Variants in KIRREL3 observed in about 807,000 individuals in gnomAD.
KIRREL3 encodes the protein kirre like nephrin family adhesion molecule 3, also known as kin of IRRE-like protein 3.
A neutral mutation model predicts 89.7 loss-of-function variants in KIRREL3; 36 were observed. The ratio of observed to expected loss-of-function variants is 0.40; its 90% CI spans 0.31 to 0.53. The LOEUF is 0.53. KIRREL3 is among the 20% of genes least tolerant of loss of function. The pLI is 0.49. For synonymous variants in KIRREL3, 445 were observed against 441.4 expected, an observed-to-expected ratio of 1.01 and a Z score of -0.10; for missense variants, 864 against 1,056.6, an observed-to-expected ratio of 0.82 and a Z score of 2.53.
In KIRREL3 at chr11:126,521,294, C is replaced by T. The variant is rs1314736273; in HGVS notation, c.433+21G>A. ...TGGTGCTTCACGCAGTGTCCCAGCC[C>T]CGTGTGCAGATGGTTCTTACCCAGG... On this transcript the variant is annotated intron_variant, in intron 4 of 16. Coordinates refer to ENST00000525144, the MANE Select transcript of KIRREL3 (RefSeq NM_032531.4). This position sits in a 1 kb window ranked among gnomAD's most constrained non-coding sequence, Gnocchi z 4.1. The T allele has an allele frequency of 6.6e-7, 1 of 1,522,820 alleles. No homozygotes were observed. The allele number at this position is 1,522,820 out of a possible 1,614,324, so 94.3% of individuals were successfully genotyped here.
rs1024396827 is a variant in KIRREL3 at position 126,664,470 on chromosome 11, C to T, written c.56-101558G>A. On this transcript the variant is annotated intron_variant, in intron 1 of 16. Coordinates refer to ENST00000525144, the MANE Select transcript of KIRREL3 (RefSeq NM_032531.4). This position sits in a 1 kb window ranked among gnomAD's most constrained non-coding sequence, Gnocchi z 5.4. ...TCCCACCTGCCTACTCTAAATGAAA[C>T]AGCTCTGTCATACTGGGCTAGAGCA... is the stretch of plus-strand genomic sequence containing the variant. Among the ~76,000 whole-genome samples the T allele has an allele frequency of 1.3e-5, 2 of 152,166 alleles. No homozygotes were observed. Among genetic ancestry groups the T allele is most frequent in the African/African-American group, 4.8e-5 (2 of 41,432 alleles).
chr11:126,941,314 T>G (rs1006328493), intron 1 of KIRREL3, among the ~76,000 whole-genome samples: 3 of 152,166 alleles, frequency 2.0e-5, no homozygotes, highest in Non-Finnish European at 4.4e-5. Flanking sequence ...TGCCACCTGA[T>G]CTCTCCAGTC....
chr11:126,447,470 C>A (rs1194152205), intron 8 of KIRREL3, among the ~76,000 whole-genome samples: 1 of 152,222 alleles, frequency 6.6e-6, no homozygotes, highest in Non-Finnish European at 1.5e-5. Flanking sequence ...CGCCTCCTCC[C>A]CCAGGGTTTC....
In KIRREL3 at chr11:126,748,832, T is replaced by G. The variant is rs1016180744; in HGVS notation, c.56-185920A>C. On this transcript the variant is annotated intron_variant, in intron 1 of 16. Transcript: ENST00000525144. This position sits in a 1 kb window ranked among gnomAD's most constrained non-coding sequence, Gnocchi z 4.6. Reference sequence around the variant, plus strand: ...TTCAGTCTATCCAGTGCCTAGCTACTGTGTTGTTGAAACGAGCTTCTTTGA... The same window carrying G: ...TTCAGTCTATCCAGTGCCTAGCTACGGTGTTGTTGAAACGAGCTTCTTTGA... Among the ~76,000 whole-genome samples the G allele has an allele frequency of 1.3e-5, 2 of 152,208 alleles. No individual in the cohort carries two copies. The highest frequency in any genetic ancestry group is 4.8e-5 in the African/African-American group (2 of 41,440).
At chr11:126,866,642 C>T (rs71475984) in intron 1 of KIRREL3, among the ~76,000 whole-genome samples, 1 of 149,776 alleles carries the variant, frequency 6.7e-6, no homozygotes, top group Non-Finnish European at 1.5e-5. Flanking sequence ...CTGCCACCCT[C>T]CTCACTGCCC....
rs146394151 is a variant in KIRREL3, at chr11:126,890,109, T to C, written c.55+110346A>G. 2.0e-3 allele frequency among the ~76,000 whole-genome samples: 309 copies of C among 152,320 alleles called. 1 individual carries two copies. The highest frequency in any genetic ancestry group is 7.0e-3 in the African/African-American group (291 of 41,586). Reference sequence around the variant, plus strand: ...CTTTCATTCTAGGGGGATGGGTCAGTGCAATCTCTGTAGTTAAATTCTTGA... The same window carrying C: ...CTTTCATTCTAGGGGGATGGGTCAGCGCAATCTCTGTAGTTAAATTCTTGA... On this transcript the variant is annotated intron_variant, in intron 1 of 16. Transcript: ENST00000525144. This position sits in a 1 kb window ranked among gnomAD's most constrained non-coding sequence, Gnocchi z 5.1.
chr11:126,583,676 G>A (rs1941674344), intron 1 of KIRREL3, among the ~76,000 whole-genome samples: 1 of 152,178 alleles, frequency 6.6e-6, no homozygotes, highest in Non-Finnish European at 1.5e-5. Context: ...AAAATGCAAA[G>A]AATGATCCCA....
At chr11:126,603,562 T>C (rs1942756222) in intron 1 of KIRREL3, among the ~76,000 whole-genome samples, 2 of 152,274 alleles carry the variant, frequency 1.3e-5, no homozygotes, top group African/African-American at 4.8e-5. Context: ...CTCCTGACCC[T>C]GTCTCTGCAG....
At chr11:126,973,101 A>G (rs984045614) in intron 1 of KIRREL3, among the ~76,000 whole-genome samples, 1 of 7,654 alleles carries the variant, frequency 1.3e-4, no homozygotes, top group Admixed American at 2.0e-3. Flanking sequence ...AGTTTTGAGG[A>G]AAAAAAAAAA....
At position 126,664,045 on chromosome 11, in the gene KIRREL3, T is replaced by C. The variant is rs913689819; in HGVS notation, c.56-101133A>G. 6.6e-6 allele frequency among the ~76,000 whole-genome samples: 1 copy of C among 152,224 alleles called. No homozygotes were observed. Among genetic ancestry groups the C allele is most frequent in the African/African-American group, 2.4e-5 (1 of 41,458 alleles). Reference sequence around the variant, plus strand: ...CCTGTGCCCCTGGCACAAGGGAAATTAACCAGACTCTGCATGTTGTGGGAA... The same window carrying C: ...CCTGTGCCCCTGGCACAAGGGAAATCAACCAGACTCTGCATGTTGTGGGAA... On this transcript the variant is annotated intron_variant, in intron 1 of 16. Coordinates refer to ENST00000525144, the MANE Select transcript of KIRREL3 (RefSeq NM_032531.4). This position sits in a 1 kb window ranked among gnomAD's most constrained non-coding sequence, Gnocchi z 5.4.
rs1247329098 is a variant in KIRREL3 at position 126,609,450 on chromosome 11, G to A, written c.56-46538C>T. ...CCTGCCTCGGGACATGTATGAGGAC[G>A]GTCTCCTTTGCAGCCTACCTGAAGT... On this transcript the variant is annotated intron_variant, in intron 1 of 16. Coordinates refer to ENST00000525144, the MANE Select transcript of KIRREL3 (RefSeq NM_032531.4). The surrounding 1 kb of genome is among the most constrained non-coding windows in gnomAD (Gnocchi z 5.0). Among the ~76,000 whole-genome samples the A allele has an allele frequency of 1.3e-5, 2 of 152,154 alleles. No homozygotes were observed. The highest frequency in any genetic ancestry group is 2.4e-5 in the African/African-American group (1 of 41,424).
chr11:126,446,771 C>T lies in KIRREL3; in HGVS notation c.1113G>A (p.Arg371=), dbSNP rs1955833185. The T allele has an allele frequency of 6.2e-7, 1 of 1,600,934 alleles. No individual in the cohort carries two copies. Among genetic ancestry groups the T allele is most frequent in the African/African-American group, 1.3e-5 (1 of 74,812 alleles). ...GCTGCAGCCTCACCACTCCGGAGCC[C>T]CGCTTCATCCAGACGATGGTCAGGG... ...NPSLTIVWMK[R]GSGVVLSNEK... The change falls in exon 9 of 17, where the codon CGG becomes CGA. Residue 371 remains arginine (R), a synonymous_variant. Coordinates refer to ENST00000525144, the MANE Select transcript of KIRREL3 (RefSeq NM_032531.4).
At chr11:126,726,564 C>T (rs1001726499) in intron 1 of KIRREL3, among the ~76,000 whole-genome samples, 10 of 152,134 alleles carry the variant, frequency 6.6e-5, no homozygotes, top group African/African-American at 1.7e-4. Context: ...GTTGGGGTTT[C>T]GCCATGTTGG....
chr11:126,436,894 C>G lies in KIRREL3; in HGVS notation c.1469G>C (p.Arg490Pro). The G allele has an allele frequency of 6.2e-7, 1 of 1,613,586 alleles. No individual in the cohort carries two copies. Among genetic ancestry groups the G allele is most frequent in the Non-Finnish European group, 8.5e-7 (1 of 1,179,828 alleles). Reference protein sequence around the residue: ...ISTLTISNIVRADFQTIYNCT... With the variant: ...ISTLTISNIVPADFQTIYNCT... ...GTTGTAGATGGTCTGGAAGTCGGCC[C>G]GCACGATGTTGCTGATGGTCAGGGT... Residue 490 changes from arginine (R) to proline (P), a missense_variant, in exon 12 of 17, where the codon CGG becomes CCG. By Grantham distance (103) the Arg-to-Pro change is moderately radical (BLOSUM62 -2). Transcript: ENST00000525144.
intron 1 of KIRREL3, among the ~76,000 whole-genome samples, chr11:126,573,310 C>T (rs1471870205): frequency 2.0e-5 from 3 of 152,212 alleles, no homozygotes; most frequent in Non-Finnish European, 4.4e-5. Context: ...CTTGCTGTCT[C>T]TCCTCCCTCA....
intron 1 of KIRREL3, among the ~76,000 whole-genome samples, chr11:126,961,756 G>A (rs1222704881): frequency 6.6e-6 from 1 of 152,226 alleles, no homozygotes; most frequent in African/African-American, 2.4e-5. Context: ...GCACCATCTA[G>A]GTCTCTCATA....
chr11:126,947,340 C>A (rs1256111782), intron 1 of KIRREL3, among the ~76,000 whole-genome samples: 1 of 152,168 alleles, frequency 6.6e-6, no homozygotes, highest in Admixed American at 6.5e-5. Flanking sequence ...ATTGGCTAAG[C>A]TGAAGGACTC....
Position 126,640,001 on chromosome 11 carries a change from C to A in KIRREL3, c.56-77089G>T, listed in dbSNP as rs1944407792. ...TCTATGGAGGAACTTGATGTGACAT[C>A]TGCATGAATACTAAATAACTTCATT... On this transcript the variant is annotated intron_variant, in intron 1 of 16. Transcript: ENST00000525144. This position sits in a 1 kb window ranked among gnomAD's most constrained non-coding sequence, Gnocchi z 4.9. Among the ~76,000 whole-genome samples the A allele has an allele frequency of 6.6e-6, 1 of 152,210 alleles. No homozygotes were observed. Among genetic ancestry groups the A allele is most frequent in the Admixed American group, 6.5e-5 (1 of 15,284 alleles).
chr11:126,695,055 A>AC (rs1377835911), intron 1 of KIRREL3, among the ~76,000 whole-genome samples: 4 of 151,864 alleles, frequency 2.6e-5, no homozygotes, highest in Admixed American at 6.6e-5. Context: ...CCCATCCCTC[A>AC]CCCCCTTCTG....
Sources: allele counts gnomAD v4.1 joint callset (sites outside exome capture counted in the v4.1 genomes callset), GRCh38; gene constraint gnomAD v4.1.1; non-coding constraint Gnocchi (gnomAD v3.1); transcripts MANE v1.5; gene names NCBI Gene and HGNC (gene_info 2026-07-23, HGNC 2026-07-21).